Variants in SLC22A3 observed in about 807,000 individuals in gnomAD.
SLC22A3 encodes the protein solute carrier family 22 member 3.
In SLC22A3, 51 loss-of-function variants were observed where a neutral mutation model predicts 59.1. The observed-to-expected ratio is 0.86, with a 90% confidence interval of 0.69 to 1.09. The LOEUF (loss-of-function observed/expected upper bound fraction) is 1.09. Among genes scored for constraint, SLC22A3 ranks in the 50% least tolerant of loss-of-function variants. SLC22A3 has a pLI of 0.00. For missense variants in SLC22A3, 711 were observed against 726.3 expected, an observed-to-expected ratio of 0.98 and a Z score of 0.24; for synonymous variants, 325 against 292.0, an observed-to-expected ratio of 1.11 and a Z score of -1.15.
intron 1 of SLC22A3, among the ~76,000 whole-genome samples, chr6:160,395,248 A>G (rs1241924849): frequency 3.3e-5 from 5 of 152,202 alleles, no homozygotes; most frequent in African/African-American, 1.2e-4. Flanking sequence ...AGAATATTTT[A>G]TGGGTTTAAA....
At chr6:160,434,879 C>CTT (rs1276809472) in intron 5 of SLC22A3, among the ~76,000 whole-genome samples, 1 of 152,204 alleles carries the variant, frequency 6.6e-6, no homozygotes, top group East Asian at 1.9e-4. Context: ...ATAAAAGTGT[C>CTT]TTTCTCTCTA....
At chr6:160,351,276 C>T (rs987247033) in intron 1 of SLC22A3, among the ~76,000 whole-genome samples, 56 of 152,192 alleles carry the variant, frequency 3.7e-4, no homozygotes, top group Admixed American at 3.0e-3. Flanking sequence ...CCACCATGCC[C>T]GGCTAATTTT....
At chr6:160,383,367 CAGAA>C (rs1314766913) in intron 1 of SLC22A3, among the ~76,000 whole-genome samples, 1 of 152,108 alleles carries the variant, frequency 6.6e-6, no homozygotes, top group Non-Finnish European at 1.5e-5. Flanking sequence ...ATGTAATTGT[CAGAA>C]AGAGCACCCC....
intron 5 of SLC22A3, among the ~76,000 whole-genome samples, chr6:160,427,930 G>T (rs1307242318): frequency 6.6e-6 from 1 of 152,150 alleles, no homozygotes; most frequent in Non-Finnish European, 1.5e-5. Context: ...GATGCTGCTG[G>T]AGATTTCGAT....
At chr6:160,405,379 G>A (rs899751704) in intron 2 of SLC22A3, among the ~76,000 whole-genome samples, 1 of 152,024 alleles carries the variant, frequency 6.6e-6, no homozygotes, top group Non-Finnish European at 1.5e-5. Context: ...CTATTAGAAT[G>A]GCCAAAATCC....
intron 1 of SLC22A3, among the ~76,000 whole-genome samples, chr6:160,392,517 C>T (rs1240043865): frequency 6.6e-6 from 1 of 152,206 alleles, no homozygotes; most frequent in Non-Finnish European, 1.5e-5. Context: ...CCTGGTATTC[C>T]TCCCAGCCTT....
intron 7 of SLC22A3, 71 bp from the exon 8 acceptor site, chr6:160,442,690 T>G: frequency 2.6e-6 from 3 of 1,166,860 alleles, no homozygotes; most frequent in Non-Finnish European, 3.9e-6. Flanking sequence ...GCAAATACTT[T>G]TTGTTGTTCT....
At chr6:160,407,576 T>C (rs1449523054) in intron 3 of SLC22A3, among the ~76,000 whole-genome samples, 1 of 152,190 alleles carries the variant, frequency 6.6e-6, no homozygotes, top group Non-Finnish European at 1.5e-5. Flanking sequence ...TGTTATGTGA[T>C]ACAGTTTGAG....
At chr6:160,389,716 T>C (rs560359354) in intron 1 of SLC22A3, among the ~76,000 whole-genome samples, 2 of 152,336 alleles carry the variant, frequency 1.3e-5, no homozygotes, top group Admixed American at 1.3e-4. Context: ...TCTTAACTCA[T>C]GCCCCGGCTT....
intron 5 of SLC22A3, 25 bp from the exon 6 acceptor site, chr6:160,436,752 GCTA>G: frequency 7.2e-7 from 1 of 1,395,202 alleles, no homozygotes; most frequent in Middle Eastern, 2.0e-4. Flanking sequence ...TCTGTCTATT[GCTA>G]CTGAAATCTG....
chr6:160,352,853 G>C (rs772865378), intron 1 of SLC22A3, among the ~76,000 whole-genome samples: 1 of 152,086 alleles, frequency 6.6e-6, no homozygotes, highest in Non-Finnish European at 1.5e-5. Context: ...ACAAAGTCTC[G>C]CTATGTCACC....
chr6:160,405,280 A>G (rs991742823), intron 2 of SLC22A3, among the ~76,000 whole-genome samples: 7 of 152,178 alleles, frequency 4.6e-5, no homozygotes, highest in South Asian at 2.1e-4. Flanking sequence ...GAGAGTATAC[A>G]GATGATAATA....
At chr6:160,426,698 C>T (rs916464049) in intron 5 of SLC22A3, among the ~76,000 whole-genome samples, 9 of 152,144 alleles carry the variant, frequency 5.9e-5, no homozygotes, top group Non-Finnish European at 1.2e-4. Context: ...TAGGCCATAC[C>T]TGCTGTGTCT....
intron 1 of SLC22A3, among the ~76,000 whole-genome samples, chr6:160,357,603 A>G (rs1784886501): frequency 6.6e-6 from 1 of 152,180 alleles, no homozygotes; most frequent in Admixed American, 6.5e-5. Context: ...TTTAATATTG[A>G]TGACGTTTTA....
chr6:160,424,123 C>T lies in SLC22A3; in HGVS notation c.976-12657C>T, dbSNP rs188948298. On this transcript the variant is annotated intron_variant, in intron 5 of 10. Transcript: ENST00000275300. ...TGTTAACACATTCTTGTCTCCTAGC[C>T]GCTGTAACCTCAGCCCTGGAGTTGA... Among the ~76,000 whole-genome samples the T allele has an allele frequency of 1.6e-3, 249 of 152,164 alleles. 3 individuals are homozygous for T. Among genetic ancestry groups the T allele is most frequent in the Middle Eastern group, 6.8e-3 (2 of 294 alleles).
chr6:160,416,755 A>G (rs1266597090), intron 5 of SLC22A3, among the ~76,000 whole-genome samples: 1 of 152,254 alleles, frequency 6.6e-6, no homozygotes, highest in Admixed American at 6.5e-5. Context: ...CCTGGTCACT[A>G]ACCACTCAAT....
At chr6:160,410,482 G>A (rs1406394112) in intron 4 of SLC22A3, among the ~76,000 whole-genome samples, 2 of 152,126 alleles carry the variant, frequency 1.3e-5, no homozygotes, top group African/African-American at 2.4e-5. Context: ...AGATAGCCTG[G>A]TTTTGCAAGA....
intron 5 of SLC22A3, among the ~76,000 whole-genome samples, chr6:160,421,531 C>T (rs1787738224): frequency 6.6e-6 from 1 of 152,212 alleles, no homozygotes. Context: ...CCCCTTTCTA[C>T]TCCAGCACTC....
intron 5 of SLC22A3, among the ~76,000 whole-genome samples, chr6:160,418,945 G>C (rs1414161380): frequency 6.6e-6 from 1 of 152,112 alleles, no homozygotes; most frequent in Non-Finnish European, 1.5e-5. Context: ...TGAATCTACT[G>C]CTTTTAAAAT....
Sources: allele counts gnomAD v4.1 joint callset (sites outside exome capture counted in the v4.1 genomes callset), GRCh38; gene constraint gnomAD v4.1.1; transcripts MANE v1.5; gene names NCBI Gene and HGNC (gene_info 2026-07-23, HGNC 2026-07-21).